The following GABRG2 variants were observed in gnomAD, a reference collection of about 807,000 sequenced individuals.
GABRG2 encodes the protein gamma-aminobutyric acid type A receptor subunit gamma2, also known as gamma-aminobutyric acid receptor subunit gamma-2.
A neutral mutation model predicts 56.4 loss-of-function variants in GABRG2; 16 were observed. The ratio of observed to expected loss-of-function variants is 0.28; its 90% CI spans 0.19 to 0.43. The LOEUF (loss-of-function observed/expected upper bound fraction) is 0.43. GABRG2 is among the 20% of genes least tolerant of loss of function. The pLI, the probability that GABRG2 is intolerant of heterozygous loss-of-function variation, is 1.00. For missense variants in GABRG2, 327 were observed against 582.7 expected (o/e 0.56, Z 4.52); for synonymous variants, 208 against 205.5 (o/e 1.01, Z -0.10).
At chr5:162,071,761 C>T (rs1161177614) in intron 1 of GABRG2, among the ~76,000 whole-genome samples, 1 of 151,866 alleles carries the variant, frequency 6.6e-6, no homozygotes, top group Admixed American at 6.6e-5. Flanking sequence ...CATCTGGTAT[C>T]CACCAGAAAA....
chr5:162,067,963 A>C lies in GABRG2; in HGVS notation c.-37A>C. ...AAGGGGAGGGATTCTTCTGCAACCA[A>C]GAGGCAAGAGGCGAGAGAAGGAAAA... is the stretch of plus-strand genomic sequence containing the variant. On this transcript the variant is annotated 5_prime_UTR_variant, in exon 1 of 10. Coordinates refer to ENST00000639213, the MANE Select transcript of GABRG2 (RefSeq NM_198904.4). 7.2e-7 allele frequency: 1 copy of C among 1,393,384 alleles called. No homozygotes were observed. The highest frequency in any genetic ancestry group is 1.0e-6 in the Non-Finnish European group (1 of 982,458). 86.3% of individuals were successfully genotyped at this position (1,393,384 alleles called of 1,614,324 possible).
At chr5:162,106,067 A>G (rs1169936291) in intron 6 of GABRG2, among the ~76,000 whole-genome samples, 1 of 152,080 alleles carries the variant, frequency 6.6e-6, no homozygotes, top group Non-Finnish European at 1.5e-5. Context: ...GCCCAACATT[A>G]CCACCTCCCC....
At chr5:162,121,654 A>G (rs1263199617) in intron 6 of GABRG2, among the ~76,000 whole-genome samples, 2 of 152,088 alleles carry the variant, frequency 1.3e-5, no homozygotes, top group East Asian at 3.9e-4. Flanking sequence ...ATATAATGCC[A>G]TGAACATCCA....
chr5:162,097,415 C>A (rs1380863577), intron 3 of GABRG2, among the ~76,000 whole-genome samples: 2 of 152,156 alleles, frequency 1.3e-5, no homozygotes, highest in African/African-American at 4.8e-5. Flanking sequence ...TTTGCCAGAA[C>A]TCACTTAGAC....
chr5:162,139,638 T>C (rs899871276), intron 6 of GABRG2, among the ~76,000 whole-genome samples: 3 of 152,168 alleles, frequency 2.0e-5, no homozygotes, highest in African/African-American at 4.8e-5. Flanking sequence ...TTGGACAAAA[T>C]TAAAGTTCAC....
intron 5 of GABRG2, chr5:162,102,398 C>G: frequency 4.8e-6 from 2 of 416,906 alleles, no homozygotes; most frequent in Non-Finnish European, 9.7e-6. Context: ...GATTTCTCTG[C>G]CATCAGGTGG....
chr5:162,155,007 T>G lies in GABRG2; in HGVS notation c.*1639T>G, dbSNP rs927038256. On this transcript the variant is annotated 3_prime_UTR_variant, in exon 10 of 10. Coordinates refer to ENST00000639213, the MANE Select transcript of GABRG2 (RefSeq NM_198904.4). Reference sequence around the variant, plus strand: ...AAATAGCACCCTTTGTTAATTATTTTTATGGAAATTATTACTCTGTCATAA... The same window carrying G: ...AAATAGCACCCTTTGTTAATTATTTGTATGGAAATTATTACTCTGTCATAA... 1 of 152,204 alleles carries G rather than the reference T, an allele frequency of 6.6e-6. No homozygotes were observed. The highest frequency in any genetic ancestry group is 1.5e-5 in the Non-Finnish European group (1 of 68,012). 9.4% of individuals were successfully genotyped at this position (152,204 alleles called of 1,614,324 possible).
intron 6 of GABRG2, among the ~76,000 whole-genome samples, chr5:162,134,645 A>T (rs1430630276): frequency 6.6e-6 from 1 of 152,170 alleles, no homozygotes; most frequent in Non-Finnish European, 1.5e-5. Context: ...CTTGCAGTGG[A>T]CACTGTTGAT....
At chr5:162,112,695 C>T (rs1279800946) in intron 6 of GABRG2, among the ~76,000 whole-genome samples, 1 of 151,968 alleles carries the variant, frequency 6.6e-6, no homozygotes, top group Non-Finnish European at 1.5e-5. Flanking sequence ...TTATGAAGGC[C>T]ACAACATTGT....
At position 162,111,995 on chromosome 5, in the gene GABRG2, A is replaced by G. The variant is rs1204434711; in HGVS notation, c.769+7969A>G. Among the ~76,000 whole-genome samples the G allele has an allele frequency of 2.0e-5, 3 of 152,150 alleles. No homozygotes were observed. In the East Asian group the frequency reaches 5.8e-4, roughly 29 times the overall value. ...GCAATTATATCGTTTCATTTTTCAT[A>G]AAAGTTATTTACTGCTTATGAGATA... On this transcript the variant is annotated intron_variant, in intron 6 of 9. Coordinates refer to ENST00000639213, the MANE Select transcript of GABRG2 (RefSeq NM_198904.4).
At chr5:162,124,372 A>G (rs572760890) in intron 6 of GABRG2, among the ~76,000 whole-genome samples, 10 of 151,930 alleles carry the variant, frequency 6.6e-5, no homozygotes, top group Admixed American at 3.9e-4. Context: ...GCATATACCT[A>G]TGAGAGAAAT....
intron 6 of GABRG2, among the ~76,000 whole-genome samples, chr5:162,111,940 G>A (rs1762280956): frequency 6.6e-6 from 1 of 152,086 alleles, no homozygotes; most frequent in African/African-American, 2.4e-5. Flanking sequence ...TTTAGATACA[G>A]CAAAAGTATA....
intron 1 of GABRG2, among the ~76,000 whole-genome samples, chr5:162,076,893 C>T (rs1759162005): frequency 6.6e-6 from 1 of 152,040 alleles, no homozygotes; most frequent in Non-Finnish European, 1.5e-5. Context: ...TACAACACTG[C>T]CCAAAATACC....
intron 1 of GABRG2, among the ~76,000 whole-genome samples, chr5:162,074,856 G>C (rs1284000179): frequency 2.0e-5 from 3 of 152,116 alleles, no homozygotes; most frequent in Non-Finnish European, 2.9e-5. Context: ...TTTAGAGAAT[G>C]CTAAGAGGTT....
chr5:162,141,298 A>G (rs1197421234), intron 6 of GABRG2, among the ~76,000 whole-genome samples: 2 of 152,184 alleles, frequency 1.3e-5, no homozygotes, highest in Non-Finnish European at 2.9e-5. Flanking sequence ...CGGCCTCCCA[A>G]AGTGCTGGGA....
intron 6 of GABRG2, among the ~76,000 whole-genome samples, chr5:162,139,449 T>A (rs1288665563): frequency 6.6e-6 from 1 of 152,208 alleles, no homozygotes; most frequent in African/African-American, 2.4e-5. Context: ...TAATGGCTTG[T>A]TCTCAAATTT....
intron 5 of GABRG2, chr5:162,101,805 C>G (rs1390647337): frequency 6.3e-6 from 1 of 159,008 alleles, no homozygotes; most frequent in African/African-American, 2.4e-5. Context: ...ATTATTTTTA[C>G]ATTTATTATT....
At chr5:162,150,875 C>G (rs1018770074) in intron 8 of GABRG2, 4 of 152,226 alleles carry the variant, frequency 2.6e-5, no homozygotes, top group Non-Finnish European at 4.4e-5. Context: ...CAGTCCTTCC[C>G]TTCCCTGTCT....
rs1424412323 is a variant in GABRG2 at position 162,109,420 on chromosome 5, A to ATATATATT, written c.769+5397_769+5398insATATTTAT. ...TATATATATATATATATATATATATATATTTATTTATATAAAATGAAAACA... is the reference window on the plus strand; with the variant it reads ...TATATATATATATATATATATATATATATATATTTATTTATTTATATAAAATGAAAACA... On this transcript the variant is annotated intron_variant, in intron 6 of 9. Transcript: ENST00000639213. Among the ~76,000 whole-genome samples, 194 of 116,080 alleles carry ATATATATT rather than the reference A, an allele frequency of 1.7e-3. 1 individual carries two copies. Among genetic ancestry groups the ATATATATT allele is most frequent in the African/African-American group, 4.4e-3 (136 of 30,852 alleles). The allele number at this position is 116,080 out of a possible 152,430, so 76.2% of individuals were successfully genotyped here.
Sources: allele counts gnomAD v4.1 joint callset (sites outside exome capture counted in the v4.1 genomes callset), GRCh38; gene constraint gnomAD v4.1.1; transcripts MANE v1.5; gene names NCBI Gene and HGNC (gene_info 2026-07-23, HGNC 2026-07-21).